SCAMP5: variants seen among roughly 807,000 people sequenced by gnomAD.
SCAMP5 encodes the protein secretory carrier membrane protein 5.
A neutral mutation model predicts 28.3 loss-of-function variants in SCAMP5; 7 were observed. That is an observed-to-expected ratio of 0.25 (90% CI 0.14 to 0.46). SCAMP5 has a LOEUF of 0.46. Ranked by LOEUF, SCAMP5 falls within the 20% of genes least tolerant of loss-of-function variation. The pLI is 0.99. For synonymous variants in SCAMP5, 117 were observed against 116.4 expected (o/e 1.00, Z -0.03); for missense variants, 192 against 312.5 (o/e 0.61, Z 2.91).
At chr15:75,012,921 G>A in intron 3 of SCAMP5, 116 bp downstream of exon 3, 1 of 1,003,640 alleles carries the variant, frequency 1.0e-6, no homozygotes, top group Non-Finnish European at 1.5e-6. Flanking sequence ...TCCCACTTGT[G>A]GCATATGCAT....
chr15:75,018,476 C>T lies in SCAMP5; in HGVS notation c.454C>T (p.Leu152=), dbSNP rs375048771. Residue 152 remains leucine (L), a synonymous_variant, in exon 6 of 7, where the codon CTA becomes TTA. Transcript: ENST00000425597. The surrounding 1 kb of genome is among the most constrained non-coding windows in gnomAD (Gnocchi z 5.6). ...GTNIGSAVVM[L]IPTVMFTVMA... is the part of the protein sequence containing the mutation. ...GAACATTGGCTCGGCGGTGGTGATGCTAATTCCCACTGTCATGTTCACAGT... is the reference window on the plus strand; with the variant it reads ...GAACATTGGCTCGGCGGTGGTGATGTTAATTCCCACTGTCATGTTCACAGT... 2.8e-5 allele frequency: 45 copies of T among 1,613,540 alleles called. No homozygotes were observed. The highest frequency in any genetic ancestry group is 2.1e-4 in the African/African-American group (16 of 74,906).
intron 1 of SCAMP5, chr15:74,997,216 AC>A (rs1371550506): frequency 7.2e-6 from 1 of 138,734 alleles, no homozygotes; most frequent in Non-Finnish European, 1.6e-5. Flanking sequence ...CCCTATCCCC[AC>A]CCCTTGCCCC....
In SCAMP5 at chr15:75,004,837, G is replaced by A. The variant is rs138989356; in HGVS notation, c.-48-6955G>A. Among the ~76,000 whole-genome samples, 441 of 152,048 alleles carry A rather than the reference G, an allele frequency of 2.9e-3. 2 individuals carry two copies. Among genetic ancestry groups the A allele is most frequent in the African/African-American group, 0.01 (421 of 41,514 alleles). Reference sequence around the variant, plus strand: ...TATCTACTATGCAGCCTATATTCAAGTTTCTCTAGTTGTCCTAAAAATGTC... The same window carrying A: ...TATCTACTATGCAGCCTATATTCAAATTTCTCTAGTTGTCCTAAAAATGTC... On this transcript the variant is annotated intron_variant, in intron 1 of 6. Coordinates refer to ENST00000425597, the MANE Select transcript of SCAMP5 (RefSeq NM_138967.4).
Position 75,020,865 on chromosome 15 carries a change from T to C in SCAMP5, c.*1882T>C, listed in dbSNP as rs973434475. On this transcript the variant is annotated 3_prime_UTR_variant, in exon 7 of 7. Coordinates refer to ENST00000425597, the MANE Select transcript of SCAMP5 (RefSeq NM_138967.4). ...TCTCTTCCTGATGGTCCTTTAGGTTTGGGCACAAAATATAATTGCCTCTCC... is the reference window on the plus strand; with the variant it reads ...TCTCTTCCTGATGGTCCTTTAGGTTCGGGCACAAAATATAATTGCCTCTCC... The C allele has an allele frequency of 1.3e-5, 2 of 152,226 alleles. No individual in the cohort carries two copies. Among genetic ancestry groups the C allele is most frequent in the African/African-American group, 4.8e-5 (2 of 41,448 alleles). The allele number at this position is 152,226 out of a possible 1,614,324, so 9.4% of individuals were successfully genotyped here.
In SCAMP5 at chr15:75,018,442, C is replaced by G; in HGVS notation, c.420C>G (p.Phe140Leu). 1 of 1,613,720 alleles carries G rather than the reference C, an allele frequency of 6.2e-7. No individual in the cohort carries two copies. The highest frequency in any genetic ancestry group is 1.3e-5 in the African/African-American group (1 of 75,056). The change falls in exon 6 of 7, where the codon TTC (phenylalanine) becomes TTG (leucine). Residue 140 changes from phenylalanine (F) to leucine (L), a missense_variant. By Grantham distance (22) the Phe-to-Leu change is conservative. Coordinates refer to ENST00000425597, the MANE Select transcript of SCAMP5 (RefSeq NM_138967.4). The surrounding 1 kb of genome is among the most constrained non-coding windows in gnomAD (Gnocchi z 5.6). ...GVCGWIATIS[F>L]FGTNIGSAVV... Reference sequence around the variant, plus strand: ...GCGGCTGGATTGCTACCATCTCCTTCTTCGGAACGAACATTGGCTCGGCGG... The same window carrying G: ...GCGGCTGGATTGCTACCATCTCCTTGTTCGGAACGAACATTGGCTCGGCGG...
intron 1 of SCAMP5, among the ~76,000 whole-genome samples, chr15:74,998,496 C>G (rs1490127673): frequency 6.6e-6 from 1 of 151,320 alleles, no homozygotes; most frequent in Non-Finnish European, 1.5e-5. Context: ...ATCCCAGTTA[C>G]TAGGGAAGCT....
intron 1 of SCAMP5, among the ~76,000 whole-genome samples, chr15:75,005,042 G>A (rs1469752950): frequency 6.6e-6 from 1 of 152,090 alleles, no homozygotes; most frequent in Non-Finnish European, 1.5e-5. Flanking sequence ...GGGTGTGGTG[G>A]CGTGCGCCTG....
intron 3 of SCAMP5, among the ~76,000 whole-genome samples, chr15:75,013,560 TG>T (rs2065833220): frequency 6.6e-6 from 1 of 152,034 alleles, no homozygotes; most frequent in Admixed American, 6.6e-5. Context: ...ATTAGGCCTG[TG>T]TGGTGGCTCA....
intron 4 of SCAMP5, 92 bp downstream of exon 4, chr15:75,016,841 TTTTA>T: frequency 8.1e-7 from 1 of 1,227,250 alleles, no homozygotes; most frequent in Non-Finnish European, 1.1e-6. Flanking sequence ...TTTTTTTTTT[TTTTA>T]CCCTCCCCCA....
At chr15:75,016,796 T>C in intron 4 of SCAMP5, 47 bp downstream of exon 4, 1 of 1,469,860 alleles carries the variant, frequency 6.8e-7, no homozygotes. Context: ...TCTGCCCATC[T>C]CCCCTGTCTC....
Position 75,020,646 on chromosome 15 carries a change from T to G in SCAMP5, c.*1663T>G, listed in dbSNP as rs1390655197. ...ATGGCTGGTAGAGGCTCTAGCTGTGTGCGGGGCCTGAAGGGGAGTGGGTTC... is the reference window on the plus strand; with the variant it reads ...ATGGCTGGTAGAGGCTCTAGCTGTGGGCGGGGCCTGAAGGGGAGTGGGTTC... On this transcript the variant is annotated 3_prime_UTR_variant, in exon 7 of 7. Coordinates refer to ENST00000425597, the MANE Select transcript of SCAMP5 (RefSeq NM_138967.4). 1 of 152,246 alleles carries G rather than the reference T, an allele frequency of 6.6e-6. No homozygotes were observed. Among genetic ancestry groups the G allele is most frequent in the East Asian group, 1.9e-4 (1 of 5,178 alleles). The allele number at this position is 152,246 out of a possible 1,614,324, so 9.4% of individuals were successfully genotyped here.
At chr15:75,004,992 T>C (rs951892057) in intron 1 of SCAMP5, among the ~76,000 whole-genome samples, 1 of 152,130 alleles carries the variant, frequency 6.6e-6, no homozygotes, top group Non-Finnish European at 1.5e-5. Context: ...CTGCCCAACA[T>C]GGTGAAACCC....
Position 75,013,026 on chromosome 15 carries a change from G to C in SCAMP5, c.136+221G>C, listed in dbSNP as rs1186394108. 8.7e-6 allele frequency: 5 copies of C among 572,192 alleles called. No homozygotes were observed. In the East Asian group the frequency reaches 1.5e-4, roughly 17 times the overall value. 35.4% of individuals were successfully genotyped at this position (572,192 alleles called of 1,614,324 possible). On this transcript the variant is annotated intron_variant, in intron 3 of 6. Transcript: ENST00000425597. ...AGTTTCCCTCAACCTCCCCCATCTA[G>C]GCCTCTCTTCCCTTCCTTCCCCTCC... is the stretch of plus-strand genomic sequence containing the variant.
At chr15:75,004,732 CAA>C (rs879434866) in intron 1 of SCAMP5, among the ~76,000 whole-genome samples, 22 of 122,360 alleles carry the variant, frequency 1.8e-4, no homozygotes, top group Admixed American at 1.7e-4. Context: ...GACCCTGTCT[CAA>C]AAAAAAAAAA....
intron 3 of SCAMP5, 63 bp downstream of exon 3, chr15:75,012,868 T>A (rs1306276398): frequency 6.4e-7 from 1 of 1,567,774 alleles, no homozygotes; most frequent in Non-Finnish European, 8.8e-7. Flanking sequence ...CTGGGCGTGC[T>A]GGGCAGCGGG....
In SCAMP5 at chr15:75,018,691, G is replaced by A; in HGVS notation, c.514-98G>A. The A allele has an allele frequency of 9.4e-7, 1 of 1,067,306 alleles. No homozygotes were observed. The highest frequency in any genetic ancestry group is 1.3e-5 in the South Asian group (1 of 75,260). 66.1% of individuals were successfully genotyped at this position (1,067,306 alleles called of 1,614,324 possible). A position where few individuals can be genotyped will look rare whatever the true frequency, so the allele number is the denominator to read the frequency against. On this transcript the variant is annotated intron_variant, in intron 6 of 6. Coordinates refer to ENST00000425597, the MANE Select transcript of SCAMP5 (RefSeq NM_138967.4). The surrounding 1 kb of genome is among the most constrained non-coding windows in gnomAD (Gnocchi z 5.6). ...CTCCTACAGAGGCATTCATGGGGAG[G>A]GAGCACTGTTTTTTTTTTACAGATG...
At chr15:75,005,974 G>C (rs997324585) in intron 1 of SCAMP5, among the ~76,000 whole-genome samples, 1 of 137,524 alleles carries the variant, frequency 7.3e-6, no homozygotes, top group Non-Finnish European at 1.5e-5. Flanking sequence ...GATCCGCCTC[G>C]GCCTCCCTTT....
At chr15:75,011,572 A>G (rs2065812078) in intron 1 of SCAMP5, 1 of 344,978 alleles carries the variant, frequency 2.9e-6, no homozygotes, top group Non-Finnish European at 5.3e-6. Flanking sequence ...CAGAGAGTAG[A>G]TTTTGTGCCT....
At chr15:75,014,927 A>G (rs913537127) in intron 3 of SCAMP5, among the ~76,000 whole-genome samples, 1 of 152,194 alleles carries the variant, frequency 6.6e-6, no homozygotes, top group African/African-American at 2.4e-5. Flanking sequence ...TTTTGGGGCA[A>G]TGAACAGGGA....
Sources: allele counts gnomAD v4.1 joint callset (sites outside exome capture counted in the v4.1 genomes callset), GRCh38; gene constraint gnomAD v4.1.1; non-coding constraint Gnocchi (gnomAD v3.1); transcripts MANE v1.5; gene names NCBI Gene and HGNC (gene_info 2026-07-23, HGNC 2026-07-21).